The following ZNF804A variants were observed in gnomAD, a reference collection of about 807,000 sequenced individuals.
The protein encoded by ZNF804A is zinc finger protein 804A.
Under a neutral mutation model 16.5 loss-of-function variants are expected in ZNF804A, and 2 were observed. That is an observed-to-expected ratio of 0.12 (90% CI 0.05 to 0.38). The LOEUF is 0.38. Ranked by LOEUF, ZNF804A falls within the 10% of genes least tolerant of loss-of-function variation. The pLI is 0.99. For missense variants in ZNF804A, 1,473 were observed against 1,390.7 expected (o/e 1.06, Z -0.94); for synonymous variants, 534 against 489.6 (o/e 1.09, Z -1.20).
chr2:184,704,149 G>A (rs1236352613), intron 1 of ZNF804A, among the ~76,000 whole-genome samples: 1 of 123,276 alleles, frequency 8.1e-6, no homozygotes, highest in African/African-American at 2.6e-5. Flanking sequence ...TTGAGTTTCA[G>A]GAAATCTTTT....
intron 1 of ZNF804A, among the ~76,000 whole-genome samples, chr2:184,862,389 T>C (rs189950300): frequency 6.6e-6 from 1 of 152,300 alleles, no homozygotes; most frequent in Non-Finnish European, 1.5e-5. Flanking sequence ...TATTGAAGTC[T>C]TTTTTACTCT....
intron 1 of ZNF804A, among the ~76,000 whole-genome samples, chr2:184,612,993 G>A (rs552396407): frequency 7.9e-5 from 12 of 152,342 alleles, no homozygotes; most frequent in Admixed American, 3.3e-4. Flanking sequence ...TGGAGACTGA[G>A]GATGTTGTTT....
intron 1 of ZNF804A, among the ~76,000 whole-genome samples, chr2:184,700,585 G>A (rs1692903431): frequency 6.6e-6 from 1 of 152,076 alleles, no homozygotes; most frequent in Non-Finnish European, 1.5e-5. Context: ...GCAGCTGTAA[G>A]TTTCAACCTG....
At chr2:184,629,865 T>C (rs573984639) in intron 1 of ZNF804A, among the ~76,000 whole-genome samples, 102 of 152,278 alleles carry the variant, frequency 6.7e-4, no homozygotes, top group Middle Eastern at 6.8e-3. Context: ...GTGATATCTC[T>C]GGCATTAGGC....
In ZNF804A at chr2:184,603,995, C is replaced by A. The variant is rs114714370; in HGVS notation, c.111+4925C>A. On this transcript the variant is annotated intron_variant, in intron 1 of 3. Coordinates refer to ENST00000302277, the MANE Select transcript of ZNF804A (RefSeq NM_194250.2). ...CAAACATGCAAGCAGTATTTTAAGG[C>A]AAATGTCAAATAATATTCATGATTA... Among the ~76,000 whole-genome samples the A allele has an allele frequency of 9.9e-3, 1,498 of 151,902 alleles. 27 individuals are homozygous for A. Among genetic ancestry groups the A allele is most frequent in the African/African-American group, 0.034 (1,425 of 41,408 alleles).
chr2:184,758,550 T>C (rs1031422404), intron 1 of ZNF804A, among the ~76,000 whole-genome samples: 9 of 151,994 alleles, frequency 5.9e-5, no homozygotes, highest in Admixed American at 2.6e-4. Flanking sequence ...TCTGCCTTTG[T>C]ATTCATATGC....
chr2:184,749,792 A>G (rs1693848933), intron 1 of ZNF804A, among the ~76,000 whole-genome samples: 1 of 151,256 alleles, frequency 6.6e-6, no homozygotes, highest in Non-Finnish European at 1.5e-5. Flanking sequence ...CAATGAAGTT[A>G]AATAACATTG....
In ZNF804A at chr2:184,654,271, T is replaced by G. The variant is rs145640896; in HGVS notation, c.111+55201T>G. On this transcript the variant is annotated intron_variant, in intron 1 of 3. Coordinates refer to ENST00000302277, the MANE Select transcript of ZNF804A (RefSeq NM_194250.2). ...GCCTTAGGTATTTTCTGCTTGGAGGTTTTTGGCATGGGGTAGCTGGAGGCA... is the reference window on the plus strand; with the variant it reads ...GCCTTAGGTATTTTCTGCTTGGAGGGTTTTGGCATGGGGTAGCTGGAGGCA... 6.7e-3 allele frequency among the ~76,000 whole-genome samples: 1,022 copies of G among 151,970 alleles called. 3 individuals carry two copies. Among genetic ancestry groups the G allele is most frequent in the Non-Finnish European group, 0.011 (757 of 67,960 alleles).
intron 2 of ZNF804A, among the ~76,000 whole-genome samples, chr2:184,928,944 T>C (rs1173168952): frequency 2.6e-5 from 4 of 152,204 alleles, no homozygotes; most frequent in African/African-American, 7.2e-5. Context: ...TATTCAAGAC[T>C]GTTTATCTTA....
chr2:184,810,879 T>C (rs1694888190), intron 1 of ZNF804A, among the ~76,000 whole-genome samples: 1 of 152,176 alleles, frequency 6.6e-6, no homozygotes, highest in South Asian at 2.1e-4. Context: ...GTAGAAATAG[T>C]GTTTAAATGA....
chr2:184,613,066 G>A (rs535356519), intron 1 of ZNF804A, among the ~76,000 whole-genome samples: 1 of 152,278 alleles, frequency 6.6e-6, no homozygotes, highest in African/African-American at 2.4e-5. Context: ...TTGCCTTTCA[G>A]GCATCCAACA....
At chr2:184,849,503 T>C (rs1348630647) in intron 1 of ZNF804A, among the ~76,000 whole-genome samples, 1 of 151,920 alleles carries the variant, frequency 6.6e-6, no homozygotes, top group Non-Finnish European at 1.5e-5. Context: ...CCACTAAACA[T>C]CAGAGAACTG....
At chr2:184,647,584 A>C (rs1008124349) in intron 1 of ZNF804A, among the ~76,000 whole-genome samples, 1 of 152,216 alleles carries the variant, frequency 6.6e-6, no homozygotes, top group African/African-American at 2.4e-5. Context: ...TCACTTAAGG[A>C]ATTTTAAAAT....
intron 1 of ZNF804A, among the ~76,000 whole-genome samples, chr2:184,603,715 A>G (rs1318464089): frequency 6.6e-6 from 1 of 152,184 alleles, no homozygotes; most frequent in East Asian, 1.9e-4. Context: ...GTGATATCCT[A>G]AAATATCTTC....
At position 184,883,757 on chromosome 2, in the gene ZNF804A, C is replaced by T. The variant is rs78519785; in HGVS notation, c.255+17245C>T. 7.6e-3 allele frequency among the ~76,000 whole-genome samples: 1,161 copies of T among 152,086 alleles called. 12 individuals carry two copies. The highest frequency in any genetic ancestry group is 0.027 in the Middle Eastern group (8 of 294). On this transcript the variant is annotated intron_variant, in intron 2 of 3. Coordinates refer to ENST00000302277, the MANE Select transcript of ZNF804A (RefSeq NM_194250.2). Reference sequence around the variant, plus strand: ...CATTTGATAAAATTCAACACCCCTTCGCATTAAAAACCCTCAACAAACCAG... The same window carrying T: ...CATTTGATAAAATTCAACACCCCTTTGCATTAAAAACCCTCAACAAACCAG...
At chr2:184,717,332 C>CT (rs1009292686) in intron 1 of ZNF804A, among the ~76,000 whole-genome samples, 33 of 152,016 alleles carry the variant, frequency 2.2e-4, no homozygotes, top group Admixed American at 9.8e-4. Context: ...TCTCCAGATT[C>CT]TTTTTTTTAG....
At chr2:184,668,517 ATT>A (rs1692288232) in intron 1 of ZNF804A, among the ~76,000 whole-genome samples, 1 of 151,894 alleles carries the variant, frequency 6.6e-6, no homozygotes, top group African/African-American at 2.4e-5. Context: ...AAAATGTATG[ATT>A]TTCTTTTTCT....
At chr2:184,887,980 G>A (rs1214397527) in intron 2 of ZNF804A, among the ~76,000 whole-genome samples, 3 of 152,144 alleles carry the variant, frequency 2.0e-5, no homozygotes, top group Non-Finnish European at 4.4e-5. Flanking sequence ...TGAGAGTGGA[G>A]GTTGGGAGTA....
chr2:184,711,632 A>G (rs536766501), intron 1 of ZNF804A, among the ~76,000 whole-genome samples: 2 of 151,666 alleles, frequency 1.3e-5, no homozygotes, highest in East Asian at 3.9e-4. Context: ...TTTTTAATTA[A>G]TCTTTAATCC....
Sources: allele counts gnomAD v4.1 joint callset (sites outside exome capture counted in the v4.1 genomes callset), GRCh38; gene constraint gnomAD v4.1.1; transcripts MANE v1.5; gene names NCBI Gene and HGNC (gene_info 2026-07-23, HGNC 2026-07-21).